Variants in ITPR2 observed in about 807,000 individuals in gnomAD.
ITPR2 encodes inositol 1,4,5-trisphosphate-gated calcium channel ITPR2.
A neutral mutation model predicts 317.1 loss-of-function variants in ITPR2; 207 were observed. The ratio of observed to expected loss-of-function variants is 0.65; its 90% confidence interval spans 0.58 to 0.73. The LOEUF (loss-of-function observed/expected upper bound fraction) is 0.73. ITPR2 is among the 30% of genes least tolerant of loss of function. The probability of loss-of-function intolerance (pLI) is 0.00; values close to 1 mark genes in which losing one functional copy is unlikely to be tolerated. For missense variants in ITPR2, 2,613 were observed against 3,284.0 expected, an observed-to-expected ratio of 0.80 and a Z score of 4.99; for synonymous variants, 1,156 against 1,149.1, an observed-to-expected ratio of 1.01 and a Z score of -0.12.
In ITPR2 at chr12:26,487,055, A is replaced by C; in HGVS notation, c.5554+13T>G. On this transcript the variant is annotated intron_variant, in intron 40 of 56. Transcript: ENST00000381340. Reference sequence around the variant, plus strand: ...CTCACTCTGTTCTCCCAAATACTCAAATACTTCTTTACCTCTCATTCGTGG... The same window carrying C: ...CTCACTCTGTTCTCCCAAATACTCACATACTTCTTTACCTCTCATTCGTGG... 6.2e-7 allele frequency: 1 copy of C among 1,607,484 alleles called. No homozygotes were observed. The highest frequency in any genetic ancestry group is 8.5e-7 in the Non-Finnish European group (1 of 1,174,650).
At chr12:26,378,573 G>A (rs529364657) in intron 55 of ITPR2, among the ~76,000 whole-genome samples, 3 of 152,282 alleles carry the variant, frequency 2.0e-5, no homozygotes, top group African/African-American at 4.8e-5. Flanking sequence ...TTCTCTGGCC[G>A]CTGAATGTCT....
intron 40 of ITPR2, chr12:26,486,861 G>A (rs979006433): frequency 4.4e-6 from 3 of 686,290 alleles, no homozygotes; most frequent in Non-Finnish European, 8.0e-6. Context: ...GCCGTTGGTT[G>A]CTTTGCACTG....
chr12:26,768,994 A>ACACACACAC (rs1949791188), intron 2 of ITPR2, among the ~76,000 whole-genome samples: 1 of 96,782 alleles, frequency 1.0e-5, no homozygotes, highest in Non-Finnish European at 3.0e-5. Context: ...CATCCAGTAG[A>ACACACACAC]ACACACACAC....
chr12:26,748,880 C>A (rs1327061292), intron 2 of ITPR2, among the ~76,000 whole-genome samples: 1 of 152,152 alleles, frequency 6.6e-6, no homozygotes, highest in Non-Finnish European at 1.5e-5. Flanking sequence ...AATTGAAAAA[C>A]CCACAAGACA....
At chr12:26,628,854 A>C (rs1184661559) in intron 22 of ITPR2, among the ~76,000 whole-genome samples, 1 of 152,216 alleles carries the variant, frequency 6.6e-6, no homozygotes, top group Non-Finnish European at 1.5e-5. Flanking sequence ...CATAATTAGG[A>C]AACTATTGAG....
chr12:26,823,044 C>CA (rs1393474110), intron 1 of ITPR2, among the ~76,000 whole-genome samples: 2 of 151,966 alleles, frequency 1.3e-5, no homozygotes, highest in Non-Finnish European at 2.9e-5. Flanking sequence ...ATGATCCTTC[C>CA]AAGTTCAGCG....
intron 39 of ITPR2, among the ~76,000 whole-genome samples, chr12:26,490,876 A>G (rs1942784905): frequency 6.6e-6 from 1 of 152,246 alleles, no homozygotes; most frequent in South Asian, 2.1e-4. Context: ...ACAGGTTATA[A>G]CAGGGGCACA....
chr12:26,421,524 A>G (rs2136690073), intron 49 of ITPR2: 1 of 121,482 alleles, frequency 8.2e-6, no homozygotes, highest in East Asian at 4.2e-4. Context: ...AAACTTACAA[A>G]TTGTTTTCAT....
chr12:26,533,496 T>A (rs1056193816), intron 37 of ITPR2, among the ~76,000 whole-genome samples: 12 of 152,254 alleles, frequency 7.9e-5, no homozygotes, highest in African/African-American at 2.9e-4. Context: ...ATGAAAAGAT[T>A]AAAGACTTAG....
chr12:26,651,971 A>C (rs980490025), intron 21 of ITPR2, among the ~76,000 whole-genome samples: 4 of 152,166 alleles, frequency 2.6e-5, no homozygotes, highest in African/African-American at 9.7e-5. Context: ...GTTCATCCCT[A>C]GAAGCACTGC....
At chr12:26,556,130 A>C in intron 36 of ITPR2, 103 bp downstream of exon 36, 1 of 1,063,398 alleles carries the variant, frequency 9.4e-7, no homozygotes. Context: ...CCTTTCGCAT[A>C]CTTTGCGGAC....
intron 13 of ITPR2, among the ~76,000 whole-genome samples, chr12:26,673,122 G>A (rs2136942559): frequency 6.6e-6 from 1 of 152,306 alleles, no homozygotes; most frequent in Admixed American, 6.5e-5. Flanking sequence ...GATACAAGGA[G>A]GAACTGGTAT....
intron 49 of ITPR2, chr12:26,421,426 T>TA (rs1400527081): frequency 3.9e-5 from 6 of 152,324 alleles, no homozygotes; most frequent in African/African-American, 1.4e-4. Flanking sequence ...GCTTTTGTTT[T>TA]AAAGTGTTCA....
intron 42 of ITPR2, among the ~76,000 whole-genome samples, chr12:26,482,981 A>T (rs960680950): frequency 2.0e-5 from 3 of 152,214 alleles, no homozygotes; most frequent in African/African-American, 7.2e-5. Flanking sequence ...TAGCTCCATG[A>T]TGCCTGAGAG....
intron 26 of ITPR2, among the ~76,000 whole-genome samples, chr12:26,608,093 C>T (rs1946177914): frequency 6.6e-6 from 1 of 151,928 alleles, no homozygotes; most frequent in South Asian, 2.1e-4. Flanking sequence ...TGCACTCCAG[C>T]CTGGGCGACA....
chr12:26,364,205 G>A (rs184305402), intron 55 of ITPR2, among the ~76,000 whole-genome samples: 143 of 152,246 alleles, frequency 9.4e-4, no homozygotes, highest in African/African-American at 2.6e-3. Flanking sequence ...CTGTCCTGGG[G>A]ATTTTCCCTC....
chr12:26,589,307 A>G (rs1945624251), intron 32 of ITPR2, among the ~76,000 whole-genome samples: 2 of 152,196 alleles, frequency 1.3e-5, no homozygotes, highest in African/African-American at 4.8e-5. Flanking sequence ...TCTTAACAAG[A>G]TAAGAGACAA....
rs371039123 is a variant in ITPR2 at position 26,499,627 on chromosome 12, C to T, written c.5074-4367G>A. On this transcript the variant is annotated intron_variant, in intron 37 of 56. Coordinates refer to ENST00000381340, the MANE Select transcript of ITPR2 (RefSeq NM_002223.4). ...AAGTTGTACATTGTTGATGTTATCC[C>T]TGCTAGTATTAATATTATCCAGATC... is the stretch of plus-strand genomic sequence containing the variant. Among the ~76,000 whole-genome samples, 162 of 152,284 alleles carry T rather than the reference C, an allele frequency of 1.1e-3. 5 individuals carry two copies. In the South Asian group the frequency reaches 0.033, roughly 31 times the overall value.
At chr12:26,381,849 C>T (rs1031888943) in intron 55 of ITPR2, among the ~76,000 whole-genome samples, 1 of 152,156 alleles carries the variant, frequency 6.6e-6, no homozygotes, top group Non-Finnish European at 1.5e-5. Context: ...ACACGCATGC[C>T]GCCTGCTCTT....
Sources: gnomAD v4.1 joint callset for allele counts (sites outside exome capture counted in the v4.1 genomes callset) on GRCh38, gnomAD v4.1.1 for gene constraint, MANE v1.5 for transcripts, NCBI Gene and HGNC (gene_info 2026-07-23, HGNC 2026-07-21) for gene names.